Variants in NUP210 observed in about 807,000 individuals in gnomAD.
NUP210 encodes the protein nucleoporin 210.
In NUP210, 151 loss-of-function variants were observed where a neutral mutation model predicts 196.0. That is an observed-to-expected ratio of 0.77 (90% CI 0.67 to 0.88). The LOEUF (loss-of-function observed/expected upper bound fraction) is 0.88, where lower values mean the gene tolerates loss of function less well. Ranked by LOEUF, NUP210 falls within the 40% of genes least tolerant of loss-of-function variation. The probability of loss-of-function intolerance (pLI) is 0.00; values close to 1 mark genes in which losing one functional copy is unlikely to be tolerated. For synonymous variants in NUP210, 1,070 were observed against 1,052.7 expected, an observed-to-expected ratio of 1.02 and a Z score of -0.32; for missense variants, 2,314 against 2,493.7, an observed-to-expected ratio of 0.93 and a Z score of 1.53.
At chr3:13,371,067 C>T (rs1304225915) in intron 13 of NUP210, among the ~76,000 whole-genome samples, 1 of 152,212 alleles carries the variant, frequency 6.6e-6, no homozygotes, top group Non-Finnish European at 1.5e-5. Context: ...AAAGCTCTGC[C>T]CAAATCTTAC....
At chr3:13,414,507 C>T (rs551344022) in intron 1 of NUP210, among the ~76,000 whole-genome samples, 1 of 76 alleles carries the variant, frequency 0.013, no homozygotes, top group Non-Finnish European at 0.083. Flanking sequence ...CCAGTCTAAC[C>T]CTGCCCACAT....
chr3:13,419,639 G>A (rs942474210), intron 1 of NUP210, among the ~76,000 whole-genome samples: 1 of 152,218 alleles, frequency 6.6e-6, no homozygotes, highest in Non-Finnish European at 1.5e-5. Context: ...ACGCCAGGGC[G>A]AGGGCGGTCA....
At chr3:13,410,977 T>C (rs1576429468) in intron 1 of NUP210, among the ~76,000 whole-genome samples, 1 of 150,238 alleles carries the variant, frequency 6.7e-6, no homozygotes, top group African/African-American at 2.4e-5. Context: ...GTCCCAGCAC[T>C]TTGGGAGGCC....
chr3:13,391,340 T>G (rs759554773), intron 3 of NUP210, 33 bp from the exon 4 acceptor site: 1 of 1,448,046 alleles, frequency 6.9e-7, no homozygotes, highest in African/African-American at 1.4e-5. Flanking sequence ...CAGACAGATA[T>G]GGAGTTAATT....
chr3:13,363,072 G>C (rs551049060), intron 14 of NUP210, among the ~76,000 whole-genome samples: 1 of 152,168 alleles, frequency 6.6e-6, no homozygotes, highest in Admixed American at 6.5e-5. Flanking sequence ...TGTGAAATGG[G>C]TACAATGATA....
chr3:13,376,218 C>T, intron 10 of NUP210, 73 bp downstream of exon 10: 1 of 1,552,704 alleles, frequency 6.4e-7, no homozygotes, highest in Non-Finnish European at 8.8e-7. Flanking sequence ...CATGGCCCTC[C>T]TGGGCTGACA....
intron 1 of NUP210, among the ~76,000 whole-genome samples, chr3:13,403,413 C>A (rs73132593): frequency 0.033 from 5,018 of 152,308 alleles, 110 homozygotes; most frequent in Middle Eastern, 0.075. Flanking sequence ...CTAATCCCAA[C>A]CATGAGGGCC....
At chr3:13,344,455 T>C (rs1697642292) in intron 20 of NUP210, among the ~76,000 whole-genome samples, 1 of 152,176 alleles carries the variant, frequency 6.6e-6, no homozygotes. Flanking sequence ...CTCATATTCA[T>C]GGGGTGGGGA....
intron 1 of NUP210, among the ~76,000 whole-genome samples, chr3:13,406,294 T>C (rs918653207): frequency 1.3e-5 from 2 of 152,072 alleles, no homozygotes; most frequent in African/African-American, 4.8e-5. Flanking sequence ...GGCAGGGTAA[T>C]GTCCTACACT....
chr3:13,354,149 C>T, intron 16 of NUP210, 42 bp from the exon 17 acceptor site: 1 of 1,516,238 alleles, frequency 6.6e-7, no homozygotes, highest in Non-Finnish European at 8.9e-7. Flanking sequence ...ACCCCCAGGA[C>T]TGGACCTGGA....
At chr3:13,410,286 T>G (rs1700125182) in intron 1 of NUP210, among the ~76,000 whole-genome samples, 2 of 152,004 alleles carry the variant, frequency 1.3e-5, no homozygotes, top group South Asian at 4.2e-4. Context: ...GTTCAAGTGA[T>G]TCTCCTGCCT....
chr3:13,341,946 G>T, intron 22 of NUP210, 50 bp downstream of exon 22: 1 of 1,613,688 alleles, frequency 6.2e-7, no homozygotes, highest in Non-Finnish European at 8.5e-7. Flanking sequence ...CTGCAGCTGG[G>T]GTCAGCACTG....
Position 13,377,495 on chromosome 3 carries a change from T to G in NUP210, c.1113A>C (p.Glu371Asp). The change falls in exon 9 of 40, where the codon GAA becomes GAC. Residue 371 changes from glutamate (E) to aspartate (D), a missense_variant. Coordinates refer to ENST00000254508, the MANE Select transcript of NUP210 (RefSeq NM_024923.4). ...CCTTGTTGCTGAACTTGTCAAAAACTTCGATGGTGATTTCATACAGGCGGC... is the reference window on the plus strand; with the variant it reads ...CCTTGTTGCTGAACTTGTCAAAAACGTCGATGGTGATTTCATACAGGCGGC... ...ETGRLYEITIEVFDKFSNKVY... is the reference protein window; with the variant it reads ...ETGRLYEITIDVFDKFSNKVY... 6.2e-7 allele frequency: 1 copy of G among 1,613,648 alleles called. No individual in the cohort carries two copies. Among genetic ancestry groups the G allele is most frequent in the Non-Finnish European group, 8.5e-7 (1 of 1,179,756 alleles).
chr3:13,345,332 G>T, intron 20 of NUP210: 1 of 656,406 alleles, frequency 1.5e-6, no homozygotes, highest in Non-Finnish European at 1.9e-6. Context: ...CCAGATGATG[G>T]GACAGGGATA....
At chr3:13,402,382 C>G (rs1699868535) in intron 1 of NUP210, among the ~76,000 whole-genome samples, 1 of 152,170 alleles carries the variant, frequency 6.6e-6, no homozygotes, top group Non-Finnish European at 1.5e-5. Flanking sequence ...CCCACACCCT[C>G]TCCTAGCCTC....
chr3:13,355,025 A>G (rs1450507163), intron 16 of NUP210, among the ~76,000 whole-genome samples: 1 of 152,234 alleles, frequency 6.6e-6, no homozygotes, highest in East Asian at 1.9e-4. Flanking sequence ...TGACCCCACA[A>G]CTTGGACTCA....
intron 14 of NUP210, among the ~76,000 whole-genome samples, chr3:13,364,328 G>A (rs1434880666): frequency 2.0e-5 from 3 of 152,208 alleles, no homozygotes; most frequent in Non-Finnish European, 4.4e-5. Context: ...TGTGGAGGAT[G>A]AGGAGCAGGG....
In NUP210 at chr3:13,340,366, C is replaced by T. The variant is rs1697424055; in HGVS notation, c.3229-68G>A. 2.2e-6 allele frequency: 3 copies of T among 1,384,272 alleles called. No individual in the cohort carries two copies. Among genetic ancestry groups the T allele is most frequent in the Non-Finnish European group, 3.1e-6 (3 of 975,220 alleles). 85.7% of individuals were successfully genotyped at this position (1,384,272 alleles called of 1,614,324 possible). A position where few individuals can be genotyped will look rare whatever the true frequency, so the allele number is the denominator to read the frequency against. ...CCCATGGCGCCAAGCATAACTCACA[C>T]ACTACATGTTTCATGAGAGGAAAAC... On this transcript the variant is annotated intron_variant, in intron 23 of 39. Coordinates refer to ENST00000254508, the MANE Select transcript of NUP210 (RefSeq NM_024923.4). The surrounding 1 kb of genome is among the most constrained non-coding windows in gnomAD (Gnocchi z 4.0).
intron 1 of NUP210, among the ~76,000 whole-genome samples, chr3:13,415,563 A>T (rs979029419): frequency 4.6e-5 from 7 of 152,180 alleles, no homozygotes; most frequent in Admixed American, 1.3e-4. Context: ...AAACACTCTC[A>T]ACGAAAAGAG....
Sources: allele counts gnomAD v4.1 joint callset (sites outside exome capture counted in the v4.1 genomes callset), GRCh38; gene constraint gnomAD v4.1.1; non-coding constraint Gnocchi (gnomAD v3.1); transcripts MANE v1.5; gene names NCBI Gene and HGNC (gene_info 2026-07-23, HGNC 2026-07-21).